The following TMEM131L variants were observed in gnomAD, a reference collection of about 807,000 sequenced individuals.
The protein encoded by TMEM131L is transmembrane protein 131-like.
Under a neutral mutation model 192.2 loss-of-function variants are expected in TMEM131L, and 54 were observed. That is an observed-to-expected ratio of 0.28 (90% CI 0.23 to 0.35). The LOEUF (loss-of-function observed/expected upper bound fraction) is 0.35, where lower values mean the gene tolerates loss of function less well. Ranked by LOEUF, TMEM131L falls within the 10% of genes least tolerant of loss-of-function variation. TMEM131L has a pLI of 1.00. For synonymous variants in TMEM131L, 701 were observed against 704.9 expected (o/e 0.99, Z 0.09); for missense variants, 1,888 against 1,972.9 (o/e 0.96, Z 0.82).
chr4:153,626,230 GT>G lies in TMEM131L; in HGVS notation c.4124+11del. The G allele has an allele frequency of 6.3e-7, 1 of 1,585,288 alleles. No homozygotes were observed. The highest frequency in any genetic ancestry group is 8.7e-7 in the Non-Finnish European group (1 of 1,155,288). ...TCATAACATCTGCAATCCCATGTAA[GT>G]TTTTTATTTTCCAGCTTTTACAGTA... is the stretch of plus-strand genomic sequence containing the variant. On this transcript the variant is annotated splice_donor_region_variant and intron_variant, in intron 30 of 34. Transcript: ENST00000409959.
intron 3 of TMEM131L, among the ~76,000 whole-genome samples, chr4:153,501,507 G>GC (rs890256344): frequency 5.3e-5 from 8 of 152,196 alleles, no homozygotes; most frequent in Middle Eastern, 6.8e-3. Context: ...GCTGAGTTTT[G>GC]CAAGTATTAA....
At chr4:153,499,684 C>G (rs1463393509) in intron 3 of TMEM131L, among the ~76,000 whole-genome samples, 1 of 152,178 alleles carries the variant, frequency 6.6e-6, no homozygotes. Flanking sequence ...CTTGGCCTCC[C>G]AAAATGCTAG....
At chr4:153,587,680 C>A in intron 14 of TMEM131L, 62 bp from the exon 15 acceptor site, 2 of 1,182,986 alleles carry the variant, frequency 1.7e-6, no homozygotes, top group Non-Finnish European at 2.5e-6. Context: ...AATTTTAGTG[C>A]ATTAGAATTT....
chr4:153,491,725 G>T (rs1250716466), intron 3 of TMEM131L, among the ~76,000 whole-genome samples: 2 of 151,690 alleles, frequency 1.3e-5, no homozygotes, highest in African/African-American at 4.8e-5. Flanking sequence ...TTCTGTTTTT[G>T]AGACAGTGTC....
chr4:153,558,678 T>TG (rs1489155113), intron 7 of TMEM131L: 1 of 165,070 alleles, frequency 6.1e-6, no homozygotes, highest in Non-Finnish European at 1.3e-5. Flanking sequence ...TCTGTTTCCT[T>TG]GGGGCATGTT....
rs36113034 is a variant in TMEM131L at position 153,612,354 on chromosome 4, C to A, written c.3521C>A (p.Ser1174Tyr). The A allele has an allele frequency of 6.3e-7, 1 of 1,597,140 alleles. No homozygotes were observed. The highest frequency in any genetic ancestry group is 1.3e-5 in the African/African-American group (1 of 74,336). The change falls in exon 26 of 35, where the codon TCT (serine) becomes TAT (tyrosine). Residue 1174 changes from serine (S) to tyrosine (Y), a missense_variant. Physicochemically the swap from Ser to Tyr is moderately radical, Grantham distance 144. Transcript: ENST00000409959. Reference protein sequence around the residue: ...PSSEKKIHKTSREDMFSEKQD... With the variant: ...PSSEKKIHKTYREDMFSEKQD... ...TCAGAAAAGAAGATTCACAAAACAT[C>A]TAGAGAAGACATGTTTTCTGAGAAA...
intron 3 of TMEM131L, among the ~76,000 whole-genome samples, chr4:153,493,784 G>A (rs1732968370): frequency 6.6e-6 from 1 of 152,168 alleles, no homozygotes; most frequent in African/African-American, 2.4e-5. Context: ...CTCTCAAATA[G>A]GGGTATTGTT....
At chr4:153,558,815 G>A (rs1256870713) in intron 7 of TMEM131L, 1 of 152,578 alleles carries the variant, frequency 6.6e-6, no homozygotes. Context: ...CCCTAAGGAT[G>A]TCCTGCTTTT....
At chr4:153,551,460 C>A (rs115636510) in intron 4 of TMEM131L, among the ~76,000 whole-genome samples, 1 of 151,788 alleles carries the variant, frequency 6.6e-6, no homozygotes, top group Non-Finnish European at 1.5e-5. Context: ...TGGGTTCAAA[C>A]GATTCTCCTG....
At chr4:153,603,778 A>G (rs1264675123) in intron 24 of TMEM131L, 24 bp from the exon 25 acceptor site, 1 of 1,555,598 alleles carries the variant, frequency 6.4e-7, no homozygotes, top group Non-Finnish European at 8.6e-7. Context: ...CCTCTATGCT[A>G]AATGTTTTTC....
chr4:153,466,629 G>GTT, intron 1 of TMEM131L, 108 bp downstream of exon 1: 1 of 1,070,870 alleles, frequency 9.3e-7, no homozygotes, highest in Non-Finnish European at 1.2e-6. Context: ...AAGGGAAAGG[G>GTT]GCAGGAGGAG....
chr4:153,585,458 G>A lies in TMEM131L; in HGVS notation c.1158G>A (p.Gly386=). The stretch of plus-strand genomic sequence containing the variant: ...TAGCATGCATGTCGTCTGTTCACAG[G>A]TATTTTAGAATGGACTCTTCTGCAA... ...KACLFSSVAQ[G]YFRMDSSATQ... is the part of the protein sequence containing the mutation. Residue 386 remains glycine (G), a splice_region_variant and synonymous_variant, in exon 13 of 35, where the codon GGG becomes GGA. Coordinates refer to ENST00000409959, the MANE Select transcript of TMEM131L (RefSeq NM_001131007.2). The A allele has an allele frequency of 6.2e-7, 1 of 1,613,630 alleles. No individual in the cohort carries two copies. The highest frequency in any genetic ancestry group is 1.1e-5 in the South Asian group (1 of 90,964).
chr4:153,488,009 A>AC lies in TMEM131L; in HGVS notation c.239+14121_239+14122insC, dbSNP rs1473614235. Among the ~76,000 whole-genome samples, 17 of 88,600 alleles carry AC rather than the reference A, an allele frequency of 1.9e-4. 1 individual carries two copies. Among genetic ancestry groups the AC allele is most frequent in the African/African-American group, 4.1e-4 (9 of 22,096 alleles). The allele number at this position is 88,600 out of a possible 152,430, so 58.1% of individuals were successfully genotyped here. A position where few individuals can be genotyped will look rare whatever the true frequency, so the allele number is the denominator to read the frequency against. ...TGTGTTTGTGTATGTATGAGAGACA[A>AC]GAGAGACTCTTGTGAGCCTATGACT... is the stretch of plus-strand genomic sequence containing the variant. On this transcript the variant is annotated intron_variant, in intron 3 of 34. Transcript: ENST00000409959.
At chr4:153,509,580 G>T (rs1023712558) in intron 3 of TMEM131L, among the ~76,000 whole-genome samples, 3 of 152,038 alleles carry the variant, frequency 2.0e-5, no homozygotes, top group African/African-American at 7.2e-5. Flanking sequence ...ACCAAAATCA[G>T]CCAGGTATGA....
intron 3 of TMEM131L, among the ~76,000 whole-genome samples, chr4:153,495,630 T>C (rs1733123008): frequency 6.6e-6 from 1 of 152,078 alleles, no homozygotes; most frequent in Non-Finnish European, 1.5e-5. Context: ...CAAATATGCA[T>C]TTTTTTCAGG....
intron 3 of TMEM131L, among the ~76,000 whole-genome samples, chr4:153,547,887 G>A (rs914268159): frequency 6.6e-6 from 1 of 152,266 alleles, no homozygotes; most frequent in Non-Finnish European, 1.5e-5. Flanking sequence ...TGTTCATGTG[G>A]AGGTTGTGTA....
chr4:153,635,653 A>G lies in TMEM131L; in HGVS notation c.4557+82A>G, dbSNP rs1031339271. 2.7e-5 allele frequency: 41 copies of G among 1,505,662 alleles called. No homozygotes were observed. The Admixed American group carries it at 5.9e-4, about 22-fold the overall frequency. The allele number at this position is 1,505,662 out of a possible 1,614,324, so 93.3% of individuals were successfully genotyped here. A position where few individuals can be genotyped will look rare whatever the true frequency, so the allele number is the denominator to read the frequency against. On this transcript the variant is annotated intron_variant, in intron 34 of 34. Coordinates refer to ENST00000409959, the MANE Select transcript of TMEM131L (RefSeq NM_001131007.2). ...TGCTTCCTTAATCCTGGTCTCAGCT[A>G]GCTTTAGCGTTGGGTTTGGACCAGC...
intron 8 of TMEM131L, among the ~76,000 whole-genome samples, 177 bp downstream of exon 8, chr4:153,581,080 C>T (rs888740978): frequency 1.1e-4 from 16 of 152,114 alleles, no homozygotes; most frequent in Non-Finnish European, 2.1e-4. Context: ...GGTGAAACTC[C>T]GTCTCTACTA....
intron 3 of TMEM131L, among the ~76,000 whole-genome samples, chr4:153,485,098 G>A (rs562639835): frequency 7.2e-6 from 1 of 139,180 alleles, no homozygotes; most frequent in African/African-American, 2.7e-5. Flanking sequence ...TGACCTGGGC[G>A]AAAGAGCGAG....
Sources: gnomAD v4.1 joint callset for allele counts (sites outside exome capture counted in the v4.1 genomes callset) on GRCh38, gnomAD v4.1.1 for gene constraint, MANE v1.5 for transcripts, NCBI Gene and HGNC (gene_info 2026-07-23, HGNC 2026-07-21) for gene names.